Variants in DOCK10 observed in about 807,000 individuals in gnomAD.
The protein encoded by DOCK10 is dedicator of cytokinesis 10.
Under a neutral mutation model 280.1 loss-of-function variants are expected in DOCK10, and 145 were observed. The observed-to-expected ratio is 0.52, with a 90% CI of 0.45 to 0.59. The LOEUF is 0.59. Ranked by LOEUF, DOCK10 falls within the 20% of genes least tolerant of loss-of-function variation. The pLI is 0.00. For synonymous variants in DOCK10, 915 were observed against 942.2 expected (o/e 0.97, Z 0.53); for missense variants, 2,368 against 2,651.7 (o/e 0.89, Z 2.35).
intron 1 of DOCK10, among the ~76,000 whole-genome samples, chr2:224,933,251 C>T (rs1702500981): frequency 6.6e-6 from 1 of 152,154 alleles, no homozygotes; most frequent in Non-Finnish European, 1.5e-5. Context: ...TGATATTATT[C>T]TATTTAGACT....
At chr2:224,909,489 G>A (rs2125904364) in intron 3 of DOCK10, among the ~76,000 whole-genome samples, 1 of 152,304 alleles carries the variant, frequency 6.6e-6, no homozygotes. Context: ...TTGCCAAAAT[G>A]AAGGATACGT....
intron 14 of DOCK10, among the ~76,000 whole-genome samples, chr2:224,857,780 TAGAG>T (rs1447495735): frequency 6.6e-6 from 1 of 152,152 alleles, no homozygotes. Flanking sequence ...ACTTCAGTGT[TAGAG>T]AAATATTGAA....
At chr2:224,931,719 T>G in intron 1 of DOCK10, 51 bp from the exon 2 acceptor site, 1 of 1,516,964 alleles carries the variant, frequency 6.6e-7, no homozygotes, top group Admixed American at 2.1e-5. Flanking sequence ...CCATCTCCCT[T>G]TTCTATGCCT....
intron 1 of DOCK10, among the ~76,000 whole-genome samples, chr2:225,016,576 CAT>C (rs757056233): frequency 7.4e-5 from 10 of 135,210 alleles, no homozygotes; most frequent in Non-Finnish European, 1.4e-4. Flanking sequence ...TCTATGTGCA[CAT>C]AGATACATAT....
At chr2:224,895,845 A>G (rs886080626) in intron 4 of DOCK10, among the ~76,000 whole-genome samples, 56 of 136,408 alleles carry the variant, frequency 4.1e-4, no homozygotes, top group Non-Finnish European at 5.8e-4. Flanking sequence ...GTGTGTGTAT[A>G]TATATATATA....
intron 1 of DOCK10, among the ~76,000 whole-genome samples, chr2:224,978,784 A>G (rs1705586825): frequency 6.6e-6 from 1 of 152,134 alleles, no homozygotes; most frequent in South Asian, 2.1e-4. Flanking sequence ...GCAACTTCCT[A>G]CTTGACATCT....
At chr2:224,867,692 G>A (rs1262037024) in intron 11 of DOCK10, among the ~76,000 whole-genome samples, 2 of 152,220 alleles carry the variant, frequency 1.3e-5, no homozygotes, top group African/African-American at 4.8e-5. Context: ...AAGAACATTA[G>A]AGTGGGATCA....
intron 1 of DOCK10, among the ~76,000 whole-genome samples, chr2:224,945,389 A>G (rs77070529): frequency 0.014 from 2,154 of 152,072 alleles, 44 homozygotes; most frequent in African/African-American, 0.05. Context: ...CAGGTCCAGG[A>G]CTCTGCATAT....
chr2:224,952,984 G>A (rs1042419803), intron 1 of DOCK10, among the ~76,000 whole-genome samples: 33 of 152,162 alleles, frequency 2.2e-4, no homozygotes, highest in African/African-American at 7.5e-4. Flanking sequence ...CTAAGCAACC[G>A]GGGGGCAGAA....
At chr2:224,921,624 T>C (rs750428730) in intron 2 of DOCK10, among the ~76,000 whole-genome samples, 74 of 152,228 alleles carry the variant, frequency 4.9e-4, no homozygotes, top group Non-Finnish European at 1.0e-3. Flanking sequence ...GGCTGAATTA[T>C]GCTCTTGGAA....
intron 1 of DOCK10, among the ~76,000 whole-genome samples, chr2:224,948,438 T>C (rs991678337): frequency 5.3e-5 from 8 of 152,228 alleles, no homozygotes; most frequent in African/African-American, 1.9e-4. Flanking sequence ...AATTCCACCA[T>C]ATGTCTTTAG....
intron 47 of DOCK10, among the ~76,000 whole-genome samples, chr2:224,791,187 CT>C (rs1484544919): frequency 2.0e-5 from 3 of 152,232 alleles, no homozygotes; most frequent in African/African-American, 7.2e-5. Flanking sequence ...CAATTTTGTT[CT>C]TAGAATTTGA....
At chr2:224,868,770 A>G (rs758615756) in intron 11 of DOCK10, among the ~76,000 whole-genome samples, 1 of 152,200 alleles carries the variant, frequency 6.6e-6, no homozygotes, top group Admixed American at 6.5e-5. Flanking sequence ...TAGTATACCA[A>G]TTTAAATTAA....
chr2:224,844,259 TGGC>T (rs1696176447), intron 22 of DOCK10, among the ~76,000 whole-genome samples: 1 of 152,152 alleles, frequency 6.6e-6, no homozygotes, highest in Non-Finnish European at 1.5e-5. Context: ...GCCTCCCAAG[TGGC>T]TGGGATTACA....
chr2:225,042,365 C>A lies in DOCK10; in HGVS notation c.10G>T (p.Glu4Ter), dbSNP rs1690462647. 1.6e-6 allele frequency: 2 copies of A among 1,269,764 alleles called. No homozygotes were observed. Among genetic ancestry groups the A allele is most frequent in the Non-Finnish European group, 9.9e-7 (1 of 1,006,452 alleles). 78.7% of individuals were successfully genotyped at this position (1,269,764 alleles called of 1,614,324 possible). MAG[E>*]RTRRFTRSLL... ...CTCCGGGTGAACCTGCGGGTCCGCTCACCGGCCATCGCCGGTCACGCCAAT... is the reference window on the plus strand; with the variant it reads ...CTCCGGGTGAACCTGCGGGTCCGCTAACCGGCCATCGCCGGTCACGCCAAT... Residue 4 changes from glutamate to a stop codon, truncating the protein, a stop_gained, in exon 1 of 56, where the codon GAG (glutamate) becomes TAG (stop). Coordinates refer to ENST00000258390, the MANE Select transcript of DOCK10 (RefSeq NM_014689.3). LOFTEE classifies it high-confidence loss of function. The surrounding 1 kb of genome is among the most constrained non-coding windows in gnomAD (Gnocchi z 5.1).
chr2:224,829,684 G>A (rs1360712464), intron 27 of DOCK10, among the ~76,000 whole-genome samples: 5 of 152,200 alleles, frequency 3.3e-5, no homozygotes, highest in African/African-American at 1.2e-4. Context: ...ATGATGACCA[G>A]AGGCTGAGAC....
chr2:224,821,375 A>C (rs1352116938), intron 28 of DOCK10, among the ~76,000 whole-genome samples: 2 of 152,230 alleles, frequency 1.3e-5, no homozygotes, highest in Admixed American at 6.5e-5. Flanking sequence ...AATTGAGCAA[A>C]TAACTATTGT....
chr2:225,023,192 C>G (rs1465234476), intron 1 of DOCK10, among the ~76,000 whole-genome samples: 1 of 152,074 alleles, frequency 6.6e-6, no homozygotes, highest in South Asian at 2.1e-4. Flanking sequence ...CCCACCACCA[C>G]GCCTGGCTGA....
At chr2:225,002,198 C>T (rs1034492) in intron 1 of DOCK10, among the ~76,000 whole-genome samples, 2,866 of 152,264 alleles carry the variant, frequency 0.019, 39 homozygotes, top group Admixed American at 0.029. Context: ...AAGGCCGATA[C>T]CACTTGTTTA....
Sources: allele counts gnomAD v4.1 joint callset (sites outside exome capture counted in the v4.1 genomes callset), GRCh38; gene constraint gnomAD v4.1.1; non-coding constraint Gnocchi (gnomAD v3.1); transcripts MANE v1.5; gene names NCBI Gene and HGNC (gene_info 2026-07-23, HGNC 2026-07-21).